ZNF99: variants seen among roughly 807,000 people sequenced by gnomAD.
ZNF99 encodes the protein zinc finger protein ENSP00000375192.
In ZNF99, 8 loss-of-function variants were observed where a neutral mutation model predicts 12.8. The observed-to-expected ratio is 0.62, with a 90% CI of 0.37 to 1.13. The LOEUF is 1.13. Ranked by LOEUF, ZNF99 falls within the 50% of genes most tolerant of loss-of-function variation. ZNF99 has a pLI of 0.02. For synonymous variants in ZNF99, 318 were observed against 319.0 expected (o/e 1.00, Z 0.03); for missense variants, 1,007 against 1,006.2 (o/e 1.00, Z -0.01).
Position 22,784,107 on chromosome 19 carries a change from G to C in ZNF99, c.-91C>G. 2 of 1,442,388 alleles carry C rather than the reference G, an allele frequency of 1.4e-6. No homozygotes were observed. The highest frequency in any genetic ancestry group is 1.9e-5 in the Admixed American group (1 of 53,538). The allele number at this position is 1,442,388 out of a possible 1,614,324, so 89.3% of individuals were successfully genotyped here. A position where few individuals can be genotyped will look rare whatever the true frequency, so the allele number is the denominator to read the frequency against. ...CCACAGAGGCTAAGGACACAGAGCA[G>C]TAAAAACGAGATCCGGAGCTCCAGC... On this transcript the variant is annotated 5_prime_UTR_variant, in exon 1 of 4. Transcript: ENST00000596209.
chr19:22,772,213 G>A (rs1329905332), intron 1 of ZNF99, among the ~76,000 whole-genome samples: 1 of 152,114 alleles, frequency 6.6e-6, no homozygotes, highest in African/African-American at 2.4e-5. Flanking sequence ...CAGAGAGTGA[G>A]TTGATACAAA....
At chr19:22,773,869 A>G (rs1973298470) in intron 1 of ZNF99, 1 of 152,234 alleles carries the variant, frequency 6.6e-6, no homozygotes, top group African/African-American at 2.4e-5. Context: ...GGGAAGCCTG[A>G]GCTGCAGGAG....
chr19:22,770,253 G>A (rs1973251961), intron 1 of ZNF99: 1 of 207,764 alleles, frequency 4.8e-6, no homozygotes. Context: ...ATCTAAGAAA[G>A]GCAGGTGCCA....
chr19:22,754,518 T>C lies in ZNF99; in HGVS notation c.*2796A>G, dbSNP rs1345228898. 3 of 428,272 alleles carry C rather than the reference T, an allele frequency of 7.0e-6. No homozygotes were observed. Among genetic ancestry groups the C allele is most frequent in the African/African-American group, 4.1e-5 (2 of 48,342 alleles). The allele number at this position is 428,272 out of a possible 1,614,324, so 26.5% of individuals were successfully genotyped here. A position where few individuals can be genotyped will look rare whatever the true frequency, so the allele number is the denominator to read the frequency against. Reference sequence around the variant, plus strand: ...AATTTATCTTCTGTATGAATTCTCTTATATTTAGTATGAGTTGAAGACCAG... The same window carrying C: ...AATTTATCTTCTGTATGAATTCTCTCATATTTAGTATGAGTTGAAGACCAG... On this transcript the variant is annotated 3_prime_UTR_variant, in exon 4 of 4. Coordinates refer to ENST00000596209, the MANE Select transcript of ZNF99 (RefSeq NM_001080409.3).
rs2145150929 is a variant in ZNF99, at chr19:22,768,399, A to G, written c.132T>C (p.Gly44=). The change falls in exon 3 of 4, where the codon GGT becomes GGC. Residue 44 remains glycine, a splice_region_variant and synonymous_variant. Coordinates refer to ENST00000596209, the MANE Select transcript of ZNF99 (RefSeq NM_001080409.3). ...TCAAGTCTAGCTTAGAGACAGCGAT[A>G]CCTGTTTTATTAAAAATAAATAACA... ...LENYRNLVFL[G]IAVSKLDLIT... 1.9e-6 allele frequency: 3 copies of G among 1,605,812 alleles called. No individual in the cohort carries two copies. Among genetic ancestry groups the G allele is most frequent in the Non-Finnish European group, 2.5e-6 (3 of 1,177,344 alleles).
At chr19:22,762,877 CA>C (rs1275936808) in intron 3 of ZNF99, among the ~76,000 whole-genome samples, 1 of 151,992 alleles carries the variant, frequency 6.6e-6, no homozygotes, top group Non-Finnish European at 1.5e-5. Flanking sequence ...GAAATAAAAA[CA>C]AAAGTCACAG....
rs771060512 is a variant in ZNF99 at position 22,758,912 on chromosome 19, T to C, written c.997A>G (p.Ile333Val). 2 of 1,613,812 alleles carry C rather than the reference T, an allele frequency of 1.2e-6. No homozygotes were observed. Among genetic ancestry groups the C allele is most frequent in the Non-Finnish European group, 8.5e-7 (1 of 1,179,896 alleles). Reference protein sequence around the residue: ...NHFSALRKHQIIHTGKKPYKC... With the variant: ...NHFSALRKHQVIHTGKKPYKC... ...TAGGGTTTCTTTCCAGTATGAATTATCTGATGTTTTCTAAGGGCTGAGAAA... is the reference window on the plus strand; with the variant it reads ...TAGGGTTTCTTTCCAGTATGAATTACCTGATGTTTTCTAAGGGCTGAGAAA... The change falls in exon 4 of 4, where the codon ATA becomes GTA. Residue 333 changes from isoleucine to valine, a missense_variant. Coordinates refer to ENST00000596209, the MANE Select transcript of ZNF99 (RefSeq NM_001080409.3).
At chr19:22,781,084 C>G (rs867675671) in intron 1 of ZNF99, among the ~76,000 whole-genome samples, 1 of 152,142 alleles carries the variant, frequency 6.6e-6, no homozygotes, top group Non-Finnish European at 1.5e-5. Context: ...ATGGAATATA[C>G]AATTCAATAT....
At chr19:22,782,659 G>GT (rs1490215939) in intron 1 of ZNF99, among the ~76,000 whole-genome samples, 6,801 of 113,422 alleles carry the variant, frequency 0.06, 438 homozygotes, top group African/African-American at 0.16. Flanking sequence ...ACCGCACCTG[G>GT]CCTTTTTTTT....
Position 22,755,115 on chromosome 19 carries a change from T to C in ZNF99, c.*2199A>G. 5.3e-6 allele frequency: 1 copy of C among 187,432 alleles called. No individual in the cohort carries two copies. Among genetic ancestry groups the C allele is most frequent in the Non-Finnish European group, 1.1e-5 (1 of 88,950 alleles). The allele number at this position is 187,432 out of a possible 1,614,324, so 11.6% of individuals were successfully genotyped here. ...AAATTGAAGAATGCTTATGGCATTATTCACATTTGTAGGGTTTCTCTCCCA... is the reference window on the plus strand; with the variant it reads ...AAATTGAAGAATGCTTATGGCATTACTCACATTTGTAGGGTTTCTCTCCCA... On this transcript the variant is annotated 3_prime_UTR_variant, in exon 4 of 4. Transcript: ENST00000596209.
chr19:22,755,936 C>T lies in ZNF99; in HGVS notation c.*1378G>A. The T allele has an allele frequency of 2.4e-6, 1 of 410,218 alleles. No homozygotes were observed. Among genetic ancestry groups the T allele is most frequent in the Non-Finnish European group, 4.6e-6 (1 of 219,364 alleles). 25.4% of individuals were successfully genotyped at this position (410,218 alleles called of 1,614,324 possible). Reference sequence around the variant, plus strand: ...GCTGAGCAATGGTTAAAAGCTTTGTCACCTTTATTATATTTGTAGGGTTTT... The same window carrying T: ...GCTGAGCAATGGTTAAAAGCTTTGTTACCTTTATTATATTTGTAGGGTTTT... On this transcript the variant is annotated 3_prime_UTR_variant, in exon 4 of 4. Transcript: ENST00000596209.
chr19:22,770,046 T>C, intron 1 of ZNF99: 1 of 1,276,874 alleles, frequency 7.8e-7, no homozygotes, highest in Non-Finnish European at 1.0e-6. Context: ...TTGTTAAGCA[T>C]ATTTATTTTA....
intron 1 of ZNF99, among the ~76,000 whole-genome samples, chr19:22,781,084 C>T (rs867675671): frequency 6.6e-6 from 1 of 152,142 alleles, no homozygotes; most frequent in East Asian, 1.9e-4. Flanking sequence ...ATGGAATATA[C>T]AATTCAATAT....
chr19:22,779,542 A>AAAAT (rs1170232492), intron 1 of ZNF99, among the ~76,000 whole-genome samples: 9 of 152,184 alleles, frequency 5.9e-5, no homozygotes, highest in African/African-American at 1.7e-4. Context: ...AATAATAATA[A>AAAAT]AAATAAATAA....
chr19:22,782,780 T>C (rs1973403804), intron 1 of ZNF99, among the ~76,000 whole-genome samples: 2 of 149,470 alleles, frequency 1.3e-5, no homozygotes, highest in Admixed American at 1.3e-4. Context: ...CAAGCGATTA[T>C]CTGCCTCAGC....
At chr19:22,769,790 A>G in intron 1 of ZNF99, 1 of 1,121,916 alleles carries the variant, frequency 8.9e-7, no homozygotes, top group Non-Finnish European at 1.2e-6. Flanking sequence ...AAAGAAAAAA[A>G]GAAATATTCT....
Position 22,756,468 on chromosome 19 carries a change from A to T in ZNF99, c.*846T>A. On this transcript the variant is annotated 3_prime_UTR_variant, in exon 4 of 4. Transcript: ENST00000596209. ...CTTCACATTTGTAGGGTTTCTTTCC[A>T]GTATGAATTATCCTATGTTTAGTAA... The T allele has an allele frequency of 6.3e-7, 1 of 1,594,416 alleles. No homozygotes were observed. Among genetic ancestry groups the T allele is most frequent in the South Asian group, 1.1e-5 (1 of 90,774 alleles).
chr19:22,758,172 A>T lies in ZNF99; in HGVS notation c.1737T>A (p.His579Gln), dbSNP rs531461646. ...ECGKAFKQSS[H>Q]LTRHKAIHTG... ...TATGAATTGCTTTATGTCTAGTAAGATGTGAAGATTGCTTAAAAGCTTTGC... is the reference window on the plus strand; with the variant it reads ...TATGAATTGCTTTATGTCTAGTAAGTTGTGAAGATTGCTTAAAAGCTTTGC... The change falls in exon 4 of 4, where the codon CAT becomes CAA. Residue 579 changes from histidine (H) to glutamine (Q), a missense_variant. Physicochemically the swap from His to Gln is conservative, Grantham distance 24. Transcript: ENST00000596209. 1 of 1,605,662 alleles carries T rather than the reference A, an allele frequency of 6.2e-7. No individual in the cohort carries two copies. The highest frequency in any genetic ancestry group is 8.5e-7 in the Non-Finnish European group (1 of 1,177,392).
chr19:22,755,449 C>T lies in ZNF99; in HGVS notation c.*1865G>A. On this transcript the variant is annotated 3_prime_UTR_variant, in exon 4 of 4. Coordinates refer to ENST00000596209, the MANE Select transcript of ZNF99 (RefSeq NM_001080409.3). Reference sequence around the variant, plus strand: ...GTTAAAAGTTTTGCCACACTCTTCACATGAGGCGGGTTTCTCTCTAATTTA... The same window carrying T: ...GTTAAAAGTTTTGCCACACTCTTCATATGAGGCGGGTTTCTCTCTAATTTA... 1 of 291,796 alleles carries T rather than the reference C, an allele frequency of 3.4e-6. No individual in the cohort carries two copies. The highest frequency in any genetic ancestry group is 3.9e-5 in the South Asian group (1 of 25,968). The allele number at this position is 291,796 out of a possible 1,614,324, so 18.1% of individuals were successfully genotyped here.
Sources: gnomAD v4.1 joint callset for allele counts (sites outside exome capture counted in the v4.1 genomes callset) on GRCh38, gnomAD v4.1.1 for gene constraint, MANE v1.5 for transcripts, NCBI Gene and HGNC (gene_info 2026-07-23, HGNC 2026-07-21) for gene names.